TECRL: variants seen among roughly 807,000 people sequenced by gnomAD.
TECRL encodes trans-2,3-enoyl-CoA reductase-like.
A neutral mutation model predicts 52.8 loss-of-function variants in TECRL; 63 were observed. That is an observed-to-expected ratio of 1.19 (90% CI 0.97 to 1.47). The LOEUF (loss-of-function observed/expected upper bound fraction) is 1.47, where lower values mean the gene tolerates loss of function less well. Ranked by LOEUF, TECRL falls within the 40% of genes most tolerant of loss-of-function variation. TECRL has a pLI of 0.00. For synonymous variants in TECRL, 164 were observed against 141.9 expected (o/e 1.16, Z -1.10); for missense variants, 482 against 429.6 (o/e 1.12, Z -1.08).
chr4:64,353,012 C>A, intron 2 of TECRL, among the ~76,000 whole-genome samples: 1 of 152,136 alleles, frequency 6.6e-6, no homozygotes, highest in South Asian at 2.1e-4. Flanking sequence ...AGCCACTGCA[C>A]CCAATTCAAT....
chr4:64,364,562 A>T (rs1721460333), intron 2 of TECRL, among the ~76,000 whole-genome samples: 1 of 152,032 alleles, frequency 6.6e-6, no homozygotes, highest in Admixed American at 6.6e-5. Flanking sequence ...CATGAGCAGA[A>T]ATGATATAGA....
At chr4:64,309,250 T>C (rs1724524111) in intron 6 of TECRL, among the ~76,000 whole-genome samples, 1 of 152,202 alleles carries the variant, frequency 6.6e-6, no homozygotes. Flanking sequence ...CAAACCTTTT[T>C]CTGAAAATAG....
At chr4:64,398,092 A>C (rs2109770261) in intron 1 of TECRL, among the ~76,000 whole-genome samples, 1 of 152,226 alleles carries the variant, frequency 6.6e-6, no homozygotes, top group East Asian at 1.9e-4. Context: ...ATTTTATAGT[A>C]GTTTGATACA....
chr4:64,326,433 G>A (rs1014830717), intron 3 of TECRL, among the ~76,000 whole-genome samples: 1 of 152,080 alleles, frequency 6.6e-6, no homozygotes, highest in Non-Finnish European at 1.5e-5. Flanking sequence ...GTTCTTCTCA[G>A]TGATAGCTGT....
At chr4:64,361,678 C>G (rs977937186) in intron 2 of TECRL, among the ~76,000 whole-genome samples, 2 of 151,450 alleles carry the variant, frequency 1.3e-5, no homozygotes, top group African/African-American at 2.4e-5. Flanking sequence ...GCCAAACCCT[C>G]AAGGTCACCA....
At chr4:64,364,531 AAG>A (rs1193106710) in intron 2 of TECRL, among the ~76,000 whole-genome samples, 3 of 152,012 alleles carry the variant, frequency 2.0e-5, no homozygotes, top group Non-Finnish European at 2.9e-5. Context: ...TGAAGAACAA[AAG>A]AGAGAAGTTC....
intron 1 of TECRL, among the ~76,000 whole-genome samples, chr4:64,407,615 C>T (rs1290762934): frequency 1.3e-5 from 2 of 151,608 alleles, no homozygotes; most frequent in Non-Finnish European, 2.9e-5. Flanking sequence ...TAACCAGTGT[C>T]ATTTTAGAAT....
intron 1 of TECRL, among the ~76,000 whole-genome samples, chr4:64,392,446 G>A (rs1278510820): frequency 6.6e-6 from 1 of 151,800 alleles, no homozygotes; most frequent in Non-Finnish European, 1.5e-5. Context: ...ATGACATCGA[G>A]CTCAAACTCC....
At chr4:64,304,743 A>T (rs1724227647) in intron 7 of TECRL, among the ~76,000 whole-genome samples, 2 of 152,102 alleles carry the variant, frequency 1.3e-5, no homozygotes, top group South Asian at 4.1e-4. Context: ...TAGTAAATCA[A>T]ATCATAAATA....
intron 1 of TECRL, among the ~76,000 whole-genome samples, chr4:64,393,595 A>T (rs1304111546): frequency 6.6e-6 from 1 of 152,022 alleles, no homozygotes; most frequent in Non-Finnish European, 1.5e-5. Context: ...GTTTCTTAAA[A>T]TATATTTTAT....
rs13141061 is a variant in TECRL at position 64,314,012 on chromosome 4, T to C, written c.551+636A>G. Among the ~76,000 whole-genome samples, 4 of 146,092 alleles carry C rather than the reference T, an allele frequency of 2.7e-5. No individual in the cohort carries two copies. The South Asian group carries it at 8.8e-4, about 32-fold the overall frequency. ...AAAAAAAAAAAAAATTAGCTGAGCA[T>C]TGTGGCAAGCACCTGTAGTCCCAGC... On this transcript the variant is annotated intron_variant, in intron 5 of 11. Coordinates refer to ENST00000381210, the MANE Select transcript of TECRL (RefSeq NM_001010874.5).
intron 1 of TECRL, among the ~76,000 whole-genome samples, chr4:64,399,882 G>C (rs890715710): frequency 6.6e-6 from 1 of 152,192 alleles, no homozygotes; most frequent in African/African-American, 2.4e-5. Flanking sequence ...CCATCATGGA[G>C]AACCACTACT....
chr4:64,397,745 T>C (rs1247965694), intron 1 of TECRL: 5 of 152,192 alleles, frequency 3.3e-5, no homozygotes, highest in East Asian at 1.9e-4. Flanking sequence ...ATAGCAGCCA[T>C]GCTAATCTCT....
In TECRL at chr4:64,357,600, ATG is replaced by A. The variant is rs551680046; in HGVS notation, c.286+17570_286+17571del. Among the ~76,000 whole-genome samples, 45 of 124,744 alleles carry A rather than the reference ATG, an allele frequency of 3.6e-4. No individual in the cohort carries two copies. In the South Asian group the frequency reaches 8.8e-3, roughly 24 times the overall value. The allele number at this position is 124,744 out of a possible 152,430, so 81.8% of individuals were successfully genotyped here. ...AACAATTATAATAAAATTTAAAACT[ATG>A]AAAAGAAAAGTTAAAATAAAAATTA... On this transcript the variant is annotated intron_variant, in intron 2 of 11. Transcript: ENST00000381210.
At chr4:64,369,822 G>A (rs1043256072) in intron 2 of TECRL, among the ~76,000 whole-genome samples, 1 of 151,888 alleles carries the variant, frequency 6.6e-6, no homozygotes, top group African/African-American at 2.4e-5. Context: ...TTTGAAAAAA[G>A]TTAATTGTTT....
chr4:64,307,594 C>T (rs576232162), intron 6 of TECRL, among the ~76,000 whole-genome samples: 8 of 152,216 alleles, frequency 5.3e-5, no homozygotes, highest in East Asian at 3.9e-4. Flanking sequence ...GTGTAACAAT[C>T]CATCTTCAGC....
chr4:64,384,974 G>A (rs867574861), intron 1 of TECRL, among the ~76,000 whole-genome samples: 1 of 152,194 alleles, frequency 6.6e-6, no homozygotes, highest in Admixed American at 6.5e-5. Flanking sequence ...CAGTGGCAGT[G>A]GTGGGCAGTG....
chr4:64,289,857 T>C (rs1723282824), intron 8 of TECRL, 90 bp from the exon 9 acceptor site: 1 of 746,630 alleles, frequency 1.3e-6, no homozygotes, highest in Admixed American at 3.8e-5. Flanking sequence ...ATCTGTGTTG[T>C]ACATTAATCC....
chr4:64,301,734 T>C (rs1047586237), intron 7 of TECRL, among the ~76,000 whole-genome samples: 4 of 151,210 alleles, frequency 2.6e-5, no homozygotes, highest in Non-Finnish European at 4.5e-5. Context: ...CACATTAGTA[T>C]AGAGAAGAGA....
Sources: allele counts gnomAD v4.1 joint callset (sites outside exome capture counted in the v4.1 genomes callset), GRCh38; gene constraint gnomAD v4.1.1; transcripts MANE v1.5; gene names NCBI Gene and HGNC (gene_info 2026-07-23, HGNC 2026-07-21).